The following PCBP3 variants were observed in gnomAD, a reference collection of about 807,000 sequenced individuals.
PCBP3 encodes the protein poly(rC) binding protein 3, also known as poly(rC)-binding protein 3.
In PCBP3, 25 loss-of-function variants were observed where a neutral mutation model predicts 52.7. That is an observed-to-expected ratio of 0.47 (90% CI 0.35 to 0.66). The LOEUF (loss-of-function observed/expected upper bound fraction) is 0.66. Among genes scored for constraint, PCBP3 ranks in the 30% least tolerant of loss-of-function variants. The pLI is 0.01. For missense variants in PCBP3, 391 were observed against 490.3 expected (o/e 0.80, Z 1.91); for synonymous variants, 162 against 183.0 (o/e 0.89, Z 0.93).
rs1294242883 is a variant in PCBP3 at position 45,704,672 on chromosome 21, T to C, written c.-199-30720T>C. On this transcript the variant is annotated intron_variant, in intron 2 of 17. Transcript: ENST00000681687. This position sits in a 1 kb window ranked among gnomAD's most constrained non-coding sequence, Gnocchi z 4.1. Reference sequence around the variant, plus strand: ...GGAAATTCATAAAGGGAATATGGAGTTCCGTTTACAACAGCAAGAGATGCC... The same window carrying C: ...GGAAATTCATAAAGGGAATATGGAGCTCCGTTTACAACAGCAAGAGATGCC... Among the ~76,000 whole-genome samples, 1 of 152,008 alleles carries C rather than the reference T, an allele frequency of 6.6e-6. No individual in the cohort carries two copies. Among genetic ancestry groups the C allele is most frequent in the Admixed American group, 6.6e-5 (1 of 15,262 alleles).
chr21:45,929,886 C>T, intron 13 of PCBP3, 31 bp from the exon 14 acceptor site: 1 of 1,556,604 alleles, frequency 6.4e-7, no homozygotes, highest in South Asian at 1.1e-5. Context: ...TGACAATAAC[C>T]TTCTTAGCTC....
chr21:45,907,857 C>T (rs1399417122), intron 9 of PCBP3, among the ~76,000 whole-genome samples: 2 of 116,820 alleles, frequency 1.7e-5, no homozygotes, highest in Non-Finnish European at 3.6e-5. Flanking sequence ...AAGGACGGGG[C>T]GGGGGGAGTG....
At chr21:45,841,625 C>T (rs1461015126) in intron 4 of PCBP3, among the ~76,000 whole-genome samples, 1 of 152,120 alleles carries the variant, frequency 6.6e-6, no homozygotes, top group African/African-American at 2.4e-5. Flanking sequence ...TCATTATCTG[C>T]TAGTGTGTTA....
At chr21:45,760,616 T>C (rs562173456) in intron 4 of PCBP3, 1 of 152,080 alleles carries the variant, frequency 6.6e-6, no homozygotes, top group Non-Finnish European at 1.5e-5. Context: ...ATAAGTTATG[T>C]AATTAAGTTT....
At position 45,923,982 on chromosome 21, in the gene PCBP3, G is replaced by A. The variant is rs867741403; in HGVS notation, c.718-5935G>A. 8.3e-3 allele frequency among the ~76,000 whole-genome samples: 768 copies of A among 92,588 alleles called. 6 individuals carry two copies. Among genetic ancestry groups the A allele is most frequent in the South Asian group, 0.027 (71 of 2,596 alleles). 60.7% of individuals were successfully genotyped at this position (92,588 alleles called of 152,430 possible). Reference sequence around the variant, plus strand: ...AGATGCGAACACCGGGAACAGTCGAGTGGATAGAAACAGCACACGTAAGAT... The same window carrying A: ...AGATGCGAACACCGGGAACAGTCGAATGGATAGAAACAGCACACGTAAGAT... On this transcript the variant is annotated intron_variant, in intron 13 of 17. Transcript: ENST00000681687.
At chr21:45,861,098 C>T (rs2094494708) in intron 5 of PCBP3, among the ~76,000 whole-genome samples, 1 of 152,214 alleles carries the variant, frequency 6.6e-6, no homozygotes, top group African/African-American at 2.4e-5. Context: ...CCAGTCACAC[C>T]CTCAGCTCCT....
chr21:45,887,043 C>T (rs1345239941), intron 5 of PCBP3, among the ~76,000 whole-genome samples: 2 of 152,220 alleles, frequency 1.3e-5, no homozygotes, highest in Admixed American at 6.5e-5. Context: ...CCTTCGGCTG[C>T]AGAAAGCAGA....
intron 4 of PCBP3, among the ~76,000 whole-genome samples, chr21:45,799,674 C>T (rs968356300): frequency 1.7e-4 from 25 of 151,046 alleles, no homozygotes; most frequent in Admixed American, 9.2e-4. Context: ...GCCAGGTGGA[C>T]GGCCAGGCCA....
At chr21:45,652,305 A>G (rs2079736515) in intron 1 of PCBP3, among the ~76,000 whole-genome samples, 2 of 152,256 alleles carry the variant, frequency 1.3e-5, no homozygotes, top group Admixed American at 1.3e-4. Flanking sequence ...ATGTTTGTGT[A>G]GAAAATTTCT....
chr21:45,882,457 GT>G (rs944298898), intron 5 of PCBP3, among the ~76,000 whole-genome samples: 2 of 151,842 alleles, frequency 1.3e-5, no homozygotes, highest in South Asian at 2.1e-4. Flanking sequence ...ATGGTTTGCA[GT>G]TTTTTTTCCA....
chr21:45,924,575 A>C (rs111884140), intron 13 of PCBP3, among the ~76,000 whole-genome samples: 242 of 16,176 alleles, frequency 0.015, 3 homozygotes, highest in Non-Finnish European at 0.019. Flanking sequence ...GGAACAGTCG[A>C]GTGGATAGAA....
chr21:45,730,603 G>A (rs1390948542), intron 2 of PCBP3, among the ~76,000 whole-genome samples: 1 of 152,014 alleles, frequency 6.6e-6, no homozygotes, highest in Non-Finnish European at 1.5e-5. Flanking sequence ...TTCTGTGTAG[G>A]TTTTTACAAA....
intron 16 of PCBP3, among the ~76,000 whole-genome samples, chr21:45,938,228 G>A (rs755625116): frequency 7.2e-5 from 11 of 152,266 alleles, no homozygotes; most frequent in East Asian, 3.8e-4. Flanking sequence ...AAGGCTTTCC[G>A]TGCTGTGCGC....
intron 1 of PCBP3, among the ~76,000 whole-genome samples, chr21:45,645,521 GA>G (rs2079196607): frequency 1.3e-5 from 2 of 152,178 alleles, no homozygotes; most frequent in African/African-American, 2.4e-5. Flanking sequence ...CATGGTGGGG[GA>G]AAACCCACAC....
rs1325978488 is a variant in PCBP3 at position 45,764,369 on chromosome 21, G to A, written c.-126+8917G>A. Among the ~76,000 whole-genome samples the A allele has an allele frequency of 3.9e-5, 6 of 152,116 alleles. No homozygotes were observed. In the East Asian group the frequency reaches 7.7e-4, roughly 20 times the overall value. On this transcript the variant is annotated intron_variant, in intron 4 of 17. Coordinates refer to ENST00000681687, the MANE Select transcript of PCBP3 (RefSeq NM_001384156.1). ...ACTCCCGACCTCAGGCAGTCTACCC[G>A]CCTCCGCCTCCCAAAGTGCTGGGAT... is the stretch of plus-strand genomic sequence containing the variant.
chr21:45,825,578 G>A (rs1214703446), intron 4 of PCBP3, among the ~76,000 whole-genome samples: 5 of 152,166 alleles, frequency 3.3e-5, no homozygotes, highest in Admixed American at 2.6e-4. Context: ...GTGTCACCGT[G>A]GATGAGTTTC....
chr21:45,936,051 G>A (rs1171863804), intron 16 of PCBP3, among the ~76,000 whole-genome samples: 4 of 152,218 alleles, frequency 2.6e-5, no homozygotes, highest in African/African-American at 7.2e-5. Context: ...TGTCCAGGAG[G>A]CTTTTCTGCC....
intron 13 of PCBP3, among the ~76,000 whole-genome samples, chr21:45,919,687 C>G (rs1194120013): frequency 6.6e-6 from 1 of 152,180 alleles, no homozygotes; most frequent in Non-Finnish European, 1.5e-5. Flanking sequence ...GACATCTCAT[C>G]CTGGGGTCAG....
intron 4 of PCBP3, among the ~76,000 whole-genome samples, chr21:45,771,966 A>G (rs2089904562): frequency 6.6e-6 from 1 of 152,240 alleles, no homozygotes; most frequent in African/African-American, 2.4e-5. Flanking sequence ...AAATAATTAA[A>G]TATTAAAGTA....
Sources: allele counts gnomAD v4.1 joint callset (sites outside exome capture counted in the v4.1 genomes callset), GRCh38; gene constraint gnomAD v4.1.1; non-coding constraint Gnocchi (gnomAD v3.1); transcripts MANE v1.5; gene names NCBI Gene and HGNC (gene_info 2026-07-23, HGNC 2026-07-21).